The following IL17RD variants were observed in gnomAD, a reference collection of about 807,000 sequenced individuals.
The protein encoded by IL17RD is interleukin 17 receptor D, also known as interleukin-17 receptor D.
A neutral mutation model predicts 80.5 loss-of-function variants in IL17RD; 52 were observed. The ratio of observed to expected loss-of-function variants is 0.65; its 90% CI spans 0.52 to 0.81. The LOEUF (loss-of-function observed/expected upper bound fraction) is 0.81. Ranked by LOEUF, IL17RD falls within the 40% of genes least tolerant of loss-of-function variation. The probability of loss-of-function intolerance (pLI) is 0.00; values close to 1 mark genes in which losing one functional copy is unlikely to be tolerated. For missense variants in IL17RD, 1,024 were observed against 955.1 expected (o/e 1.07, Z -0.95); for synonymous variants, 416 against 391.8 (o/e 1.06, Z -0.73).
intron 5 of IL17RD, 31 bp from the exon 6 acceptor site, chr3:57,106,185 GT>G (rs1363124073): frequency 3.8e-6 from 6 of 1,559,446 alleles, no homozygotes; most frequent in Non-Finnish European, 5.3e-6. Context: ...CATGTTTTTA[GT>G]TTTAGGACAG....
At chr3:57,137,721 C>T (rs978249516) in intron 1 of IL17RD, among the ~76,000 whole-genome samples, 3 of 152,198 alleles carry the variant, frequency 2.0e-5, no homozygotes, top group Non-Finnish European at 4.4e-5. Context: ...ATTTTCACTT[C>T]TCTTCCCTCC....
intron 1 of IL17RD, among the ~76,000 whole-genome samples, chr3:57,144,328 T>C (rs576934991): frequency 3.1e-4 from 47 of 152,258 alleles, no homozygotes; most frequent in African/African-American, 1.1e-3. Flanking sequence ...CACCATCTCT[T>C]CCTTTCCCTA....
chr3:57,122,185 A>G (rs1707355880), intron 1 of IL17RD, among the ~76,000 whole-genome samples: 1 of 152,248 alleles, frequency 6.6e-6, no homozygotes, highest in Non-Finnish European at 1.5e-5. Context: ...GTAAGGATGA[A>G]TGAAGGATGG....
At chr3:57,101,396 G>A in intron 10 of IL17RD, 33 bp from the exon 11 acceptor site, 1 of 1,369,270 alleles carries the variant, frequency 7.3e-7, no homozygotes, top group East Asian at 2.4e-5. Context: ...GTTGATACTT[G>A]CAAGCAACGC....
At chr3:57,109,475 A>T in intron 5 of IL17RD, 62 bp downstream of exon 5, 1 of 1,576,362 alleles carries the variant, frequency 6.3e-7, no homozygotes. Context: ...TTTCTGTAGA[A>T]AAATCATTAA....
intron 11 of IL17RD, 104 bp downstream of exon 11, chr3:57,101,075 C>T: frequency 1.2e-6 from 1 of 809,236 alleles, no homozygotes; most frequent in Non-Finnish European, 2.0e-6. Context: ...TAGTCAAGGG[C>T]AGGTGTCACC....
chr3:57,127,785 A>G (rs1364200585), intron 1 of IL17RD, among the ~76,000 whole-genome samples: 1 of 152,144 alleles, frequency 6.6e-6, no homozygotes, highest in Non-Finnish European at 1.5e-5. Flanking sequence ...TGAGGCTTAA[A>G]ACGTACAACG....
Position 57,165,269 on chromosome 3 carries a change from C to G in IL17RD, c.18G>C (p.Gln6His). The G allele has an allele frequency of 6.6e-7, 1 of 1,511,888 alleles. No homozygotes were observed. Among genetic ancestry groups the G allele is most frequent in the Non-Finnish European group, 8.8e-7 (1 of 1,130,456 alleles). The allele number at this position is 1,511,888 out of a possible 1,614,324, so 93.7% of individuals were successfully genotyped here. The change falls in exon 1 of 13, where the codon CAG becomes CAC. Residue 6 changes from glutamine (Q) to histidine (H), a missense_variant. Transcript: ENST00000296318. MAPWL[Q>H]LCSVFFTVNA... ...TGACCGTAAAGAAGACGGAGCAGAGCTGCAGCCACGGGGCCATGGCCGTGC... is the reference window on the plus strand; with the variant it reads ...TGACCGTAAAGAAGACGGAGCAGAGGTGCAGCCACGGGGCCATGGCCGTGC...
chr3:57,115,491 T>C (rs1316272821), intron 2 of IL17RD, among the ~76,000 whole-genome samples: 1 of 152,200 alleles, frequency 6.6e-6, no homozygotes, highest in East Asian at 1.9e-4. Flanking sequence ...CACCAATCTT[T>C]GATTTTGCCT....
At chr3:57,155,242 G>C (rs972859440) in intron 1 of IL17RD, among the ~76,000 whole-genome samples, 13 of 152,248 alleles carry the variant, frequency 8.5e-5, no homozygotes, top group Non-Finnish European at 1.9e-4. Context: ...CAGGGAGTGA[G>C]ATTTGTTCCG....
intron 1 of IL17RD, among the ~76,000 whole-genome samples, chr3:57,161,884 A>C (rs542979344): frequency 6.6e-6 from 1 of 152,372 alleles, no homozygotes; most frequent in East Asian, 1.9e-4. Flanking sequence ...CTTCTGTGTG[A>C]ACACAGTATT....
At position 57,096,407 on chromosome 3, in the gene IL17RD, C is replaced by G. The variant is rs781468050; in HGVS notation, c.2206G>C (p.Val736Leu). 7 of 1,612,892 alleles carry G rather than the reference C, an allele frequency of 4.3e-6. No homozygotes were observed. The highest frequency in any genetic ancestry group is 1.3e-5 in the African/African-American group (1 of 74,874). Residue 736 changes from valine (V) to leucine (L), a missense_variant, in exon 13 of 13, where the codon GTC becomes CTC. Coordinates refer to ENST00000296318, the MANE Select transcript of IL17RD (RefSeq NM_017563.5). ...CRSYTDELHA[V>L]APL ...CTTTCGTTTTGTTACAAAGGGGCGA[C>G]CGCGTGGAGTTCATCAGTGTAGCTG...
chr3:57,149,078 A>G (rs551455645), intron 1 of IL17RD, among the ~76,000 whole-genome samples: 1 of 152,276 alleles, frequency 6.6e-6, no homozygotes, highest in South Asian at 2.1e-4. Flanking sequence ...TTGGGAGGCC[A>G]AGGCGGGCCG....
Position 57,103,605 on chromosome 3 carries a change from C to A in IL17RD, c.814-460G>T, listed in dbSNP as rs1253049427. Reference sequence around the variant, plus strand: ...TGTTGGTTGTCTTTGAATGGTGGCACTATGGACAAATTGTTAATTTCCTTT... The same window carrying A: ...TGTTGGTTGTCTTTGAATGGTGGCAATATGGACAAATTGTTAATTTCCTTT... On this transcript the variant is annotated intron_variant, in intron 8 of 12. Coordinates refer to ENST00000296318, the MANE Select transcript of IL17RD (RefSeq NM_017563.5). Among the ~76,000 whole-genome samples the A allele has an allele frequency of 3.9e-5, 6 of 152,290 alleles. No individual in the cohort carries two copies. In the East Asian group the frequency reaches 1.2e-3, roughly 29 times the overall value.
At position 57,093,655 on chromosome 3, in the gene IL17RD, C is replaced by T. The variant is rs1325747365; in HGVS notation, c.*2738G>A. The T allele has an allele frequency of 6.6e-6, 1 of 152,184 alleles. No homozygotes were observed. Among genetic ancestry groups the T allele is most frequent in the Non-Finnish European group, 1.5e-5 (1 of 68,042 alleles). The allele number at this position is 152,184 out of a possible 1,614,324, so 9.4% of individuals were successfully genotyped here. On this transcript the variant is annotated 3_prime_UTR_variant, in exon 13 of 13. Coordinates refer to ENST00000296318, the MANE Select transcript of IL17RD (RefSeq NM_017563.5). ...CTGACTCTTTCTGGAGATCAATTGC[C>T]TCAAAGGCCCAAGACAGCCCTCTGG...
At chr3:57,130,626 C>T (rs778295387) in intron 1 of IL17RD, among the ~76,000 whole-genome samples, 4 of 152,266 alleles carry the variant, frequency 2.6e-5, no homozygotes, top group East Asian at 1.9e-4. Context: ...CAAGCTCTGA[C>T]GGGCAGATGG....
At chr3:57,140,860 T>C (rs1420803568) in intron 1 of IL17RD, among the ~76,000 whole-genome samples, 1 of 152,014 alleles carries the variant, frequency 6.6e-6, no homozygotes, top group East Asian at 1.9e-4. Context: ...GAACATTTAT[T>C]ATGCAGTAGC....
rs989871349 is a variant in IL17RD, at chr3:57,096,426, G to A, written c.2187C>T (p.Tyr729=). 3.1e-6 allele frequency: 5 copies of A among 1,613,822 alleles called. No homozygotes were observed. The highest frequency in any genetic ancestry group is 4.2e-6 in the Non-Finnish European group (5 of 1,179,822). The change falls in exon 13 of 13, where the codon TAC becomes TAT. Residue 729 remains tyrosine (Y), a synonymous_variant. Coordinates refer to ENST00000296318, the MANE Select transcript of IL17RD (RefSeq NM_017563.5). ...SCKADLGCRS[Y]TDELHAVAPL ...GGGCGACCGCGTGGAGTTCATCAGTGTAGCTGCGGCAACCAAGATCTGCTT... is the reference window on the plus strand; with the variant it reads ...GGGCGACCGCGTGGAGTTCATCAGTATAGCTGCGGCAACCAAGATCTGCTT...
At chr3:57,096,633 C>A in intron 12 of IL17RD, 128 bp from the exon 13 acceptor site, 1 of 688,422 alleles carries the variant, frequency 1.5e-6, no homozygotes. Context: ...GCAAGAATCC[C>A]AACCAACTCA....
Sources: gnomAD v4.1 joint callset for allele counts (sites outside exome capture counted in the v4.1 genomes callset) on GRCh38, gnomAD v4.1.1 for gene constraint, MANE v1.5 for transcripts, NCBI Gene and HGNC (gene_info 2026-07-23, HGNC 2026-07-21) for gene names.